The following MAML1 variants were observed in gnomAD, a reference collection of about 807,000 sequenced individuals.
The protein encoded by MAML1 is mastermind like transcriptional coactivator 1.
Under a neutral mutation model 77.1 loss-of-function variants are expected in MAML1, and 14 were observed. That is an observed-to-expected ratio of 0.18 (90% CI 0.12 to 0.28). The LOEUF (loss-of-function observed/expected upper bound fraction) is 0.28, where lower values mean the gene tolerates loss of function less well. Among genes scored for constraint, MAML1 ranks in the 10% least tolerant of loss-of-function variants. MAML1 has a pLI of 1.00. For missense variants in MAML1, 1,217 were observed against 1,327.8 expected (o/e 0.92, Z 1.30); for synonymous variants, 516 against 551.9 (o/e 0.93, Z 0.91).
chr5:179,776,805 C>T lies in MAML1; in HGVS notation c.*1928C>T. 3.0e-6 allele frequency: 3 copies of T among 985,902 alleles called. No individual in the cohort carries two copies. Among genetic ancestry groups the T allele is most frequent in the Non-Finnish European group, 3.6e-6 (3 of 829,970 alleles). The allele number at this position is 985,902 out of a possible 1,614,324, so 61.1% of individuals were successfully genotyped here. A position where few individuals can be genotyped will look rare whatever the true frequency, so the allele number is the denominator to read the frequency against. On this transcript the variant is annotated 3_prime_UTR_variant, in exon 5 of 5. Coordinates refer to ENST00000292599, the MANE Select transcript of MAML1 (RefSeq NM_014757.5). ...CTCCTCACTTGCTGCAGTGTCATAG[C>T]AATAAAATGTGATTCTTGGGGTCCC...
chr5:179,772,569 G>A (rs770039817), intron 4 of MAML1, among the ~76,000 whole-genome samples: 1 of 152,188 alleles, frequency 6.6e-6, no homozygotes. Context: ...GGCCTAGACA[G>A]CAGTTCCCTG....
At chr5:179,735,019 A>G (rs1309944835) in intron 1 of MAML1, among the ~76,000 whole-genome samples, 2 of 152,198 alleles carry the variant, frequency 1.3e-5, no homozygotes, top group East Asian at 1.9e-4. Context: ...GAGTGTGGAC[A>G]TGAAAATACA....
At chr5:179,739,838 C>G (rs79467262) in intron 1 of MAML1, among the ~76,000 whole-genome samples, 2,058 of 152,184 alleles carry the variant, frequency 0.014, 36 homozygotes, top group African/African-American at 0.047. Flanking sequence ...ACTTGAGCAT[C>G]CTTGGATTTT....
chr5:179,771,109 T>C lies in MAML1; in HGVS notation c.1972-38T>C, dbSNP rs1337565785. ...ACTCCCTTTGTTTTGGATTTTGTTATATGTTGGTTTTGTTTTGTTGTTCTT... is the reference window on the plus strand; with the variant it reads ...ACTCCCTTTGTTTTGGATTTTGTTACATGTTGGTTTTGTTTTGTTGTTCTT... On this transcript the variant is annotated intron_variant, in intron 3 of 4. Coordinates refer to ENST00000292599, the MANE Select transcript of MAML1 (RefSeq NM_014757.5). This position sits in a 1 kb window ranked among gnomAD's most constrained non-coding sequence, Gnocchi z 4.7. 8 of 1,518,338 alleles carry C rather than the reference T, an allele frequency of 5.3e-6. No homozygotes were observed. Among genetic ancestry groups the C allele is most frequent in the African/African-American group, 1.4e-5 (1 of 73,108 alleles). The allele number at this position is 1,518,338 out of a possible 1,614,324, so 94.1% of individuals were successfully genotyped here. A position where few individuals can be genotyped will look rare whatever the true frequency, so the allele number is the denominator to read the frequency against.
At chr5:179,762,339 A>T (rs1779738360) in intron 1 of MAML1, among the ~76,000 whole-genome samples, 1 of 152,052 alleles carries the variant, frequency 6.6e-6, no homozygotes. Flanking sequence ...GGTATCCTGG[A>T]GCTCCTCTCC....
intron 1 of MAML1, among the ~76,000 whole-genome samples, chr5:179,759,073 G>C (rs967999396): frequency 1.3e-5 from 2 of 152,130 alleles, no homozygotes; most frequent in African/African-American, 4.8e-5. Context: ...CATTTTTCTG[G>C]TAATGACAGC....
At position 179,766,876 on chromosome 5, in the gene MAML1, C is replaced by A; in HGVS notation, c.1731+135C>A. ...GGAATAGCTGCTGTCATCCTTGCTC[C>A]TCTTGGGAGTGGAAATTTATAAAAT... is the stretch of plus-strand genomic sequence containing the variant. On this transcript the variant is annotated intron_variant, in intron 2 of 4. Transcript: ENST00000292599. This position sits in a 1 kb window ranked among gnomAD's most constrained non-coding sequence, Gnocchi z 4.0. 1.5e-6 allele frequency: 1 copy of A among 647,614 alleles called. No homozygotes were observed. 40.1% of individuals were successfully genotyped at this position (647,614 alleles called of 1,614,324 possible).
At position 179,766,721 on chromosome 5, in the gene MAML1, T is replaced by G. The variant is rs1472803453; in HGVS notation, c.1711T>G (p.Ser571Ala). 7 of 1,557,038 alleles carry G rather than the reference T, an allele frequency of 4.5e-6. No homozygotes were observed. In the South Asian group the frequency reaches 6.0e-5, roughly 13 times the overall value. The change falls in exon 2 of 5, where the codon TCA (serine) becomes GCA (alanine). Residue 571 changes from serine (S) to alanine (A), a missense_variant. Physicochemically the swap from Ser to Ala is moderately conservative, Grantham distance 99. Coordinates refer to ENST00000292599, the MANE Select transcript of MAML1 (RefSeq NM_014757.5). The surrounding 1 kb of genome is among the most constrained non-coding windows in gnomAD (Gnocchi z 4.0). ...KPKPGNMPFR[S>A]LVPPGQEQNP... is the part of the protein sequence containing the mutation. Reference sequence around the variant, plus strand: ...AAAGCCAGGAAATATGCCTTTCCGATCACTGGTTCCACCTGGCCAGGTAAG... The same window carrying G: ...AAAGCCAGGAAATATGCCTTTCCGAGCACTGGTTCCACCTGGCCAGGTAAG...
chr5:179,754,725 T>A (rs955058185), intron 1 of MAML1, among the ~76,000 whole-genome samples: 1 of 152,212 alleles, frequency 6.6e-6, no homozygotes, highest in African/African-American at 2.4e-5. Flanking sequence ...GCTTAGAGTT[T>A]CTGACTCAGT....
intron 1 of MAML1, among the ~76,000 whole-genome samples, chr5:179,761,356 A>G (rs1348108398): frequency 6.6e-6 from 1 of 151,910 alleles, no homozygotes; most frequent in East Asian, 1.9e-4. Context: ...ATCATCACCC[A>G]TTGTACTCCA....
intron 1 of MAML1, among the ~76,000 whole-genome samples, chr5:179,755,681 CTA>C (rs1236855133): frequency 6.6e-6 from 1 of 150,810 alleles, no homozygotes; most frequent in South Asian, 2.1e-4. Context: ...TCTTAAAACA[CTA>C]TGAGATTTAT....
intron 3 of MAML1, among the ~76,000 whole-genome samples, chr5:179,770,476 T>C (rs1446151087): frequency 6.6e-6 from 1 of 152,136 alleles, no homozygotes; most frequent in Non-Finnish European, 1.5e-5. Context: ...TTCTGGACAT[T>C]TTATATTTAT....
At chr5:179,762,736 A>G (rs1241312970) in intron 1 of MAML1, among the ~76,000 whole-genome samples, 1 of 152,162 alleles carries the variant, frequency 6.6e-6, no homozygotes, top group African/African-American at 2.4e-5. Flanking sequence ...CTTTGAGTTC[A>G]GGCTCCAAGG....
At chr5:179,770,874 C>T (rs1755973272) in intron 3 of MAML1, 1 of 347,974 alleles carries the variant, frequency 2.9e-6, no homozygotes, top group African/African-American at 2.1e-5. Flanking sequence ...TCTGGCCATC[C>T]TAGTGGGATC....
intron 1 of MAML1, among the ~76,000 whole-genome samples, chr5:179,741,153 A>C (rs1779276947): frequency 6.6e-6 from 1 of 152,154 alleles, no homozygotes. Context: ...ATCCAGAGTA[A>C]AAACCTGGGA....
rs376638688 is a variant in MAML1 at position 179,774,007 on chromosome 5, A to G, written c.2181A>G (p.Ser727=). ...TGCCAATGGGCCCTGGACATGCTTC[A>G]GTTTCCTCTCTCCCCACAAACTCAG... ...NLMPMGPGHA[S]VSSLPTNSGQ... is the part of the protein sequence containing the mutation. Residue 727 remains serine, a synonymous_variant, in exon 5 of 5, where the codon TCA becomes TCG. Coordinates refer to ENST00000292599, the MANE Select transcript of MAML1 (RefSeq NM_014757.5). The G allele has an allele frequency of 1.0e-4, 164 of 1,614,076 alleles. 1 individual carries two copies. Among genetic ancestry groups the G allele is most frequent in the Non-Finnish European group, 1.4e-4 (160 of 1,180,042 alleles).
intron 1 of MAML1, among the ~76,000 whole-genome samples, chr5:179,744,783 T>C (rs1246374956): frequency 6.6e-6 from 1 of 152,174 alleles, no homozygotes; most frequent in Non-Finnish European, 1.5e-5. Flanking sequence ...TTTTGCTCTC[T>C]TTCAAGTTGA....
At chr5:179,754,732 CAGTG>C (rs1339036445) in intron 1 of MAML1, among the ~76,000 whole-genome samples, 1 of 152,200 alleles carries the variant, frequency 6.6e-6, no homozygotes. Context: ...GTTTCTGACT[CAGTG>C]AGTATGGGGT....
chr5:179,741,411 G>A (rs1779281592), intron 1 of MAML1, among the ~76,000 whole-genome samples: 2 of 152,248 alleles, frequency 1.3e-5, no homozygotes, highest in South Asian at 4.1e-4. Context: ...TTGGCCAGGC[G>A]TGGTGGCTCA....
Sources: gnomAD v4.1 joint callset for allele counts (sites outside exome capture counted in the v4.1 genomes callset) on GRCh38, gnomAD v4.1.1 for gene constraint, Gnocchi (gnomAD v3.1) non-coding constraint, MANE v1.5 for transcripts, NCBI Gene and HGNC (gene_info 2026-07-23, HGNC 2026-07-21) for gene names.